The following NCOA3 variants were observed in gnomAD, a reference collection of about 807,000 sequenced individuals.
NCOA3 encodes CBP-interacting protein.
Under a neutral mutation model 158.8 loss-of-function variants are expected in NCOA3, and 51 were observed. The observed-to-expected ratio is 0.32, with a 90% CI of 0.26 to 0.41. The LOEUF is 0.41. Among genes scored for constraint, NCOA3 ranks in the 10% least tolerant of loss-of-function variants. The probability of loss-of-function intolerance (pLI) is 1.00; values close to 1 mark genes in which losing one functional copy is unlikely to be tolerated. For synonymous variants in NCOA3, 537 were observed against 592.4 expected, an observed-to-expected ratio of 0.91 and a Z score of 1.36; for missense variants, 1,510 against 1,746.6, an observed-to-expected ratio of 0.86 and a Z score of 2.41.
intron 1 of NCOA3, among the ~76,000 whole-genome samples, chr20:47,578,986 T>C (rs2085412975): frequency 6.6e-6 from 1 of 152,230 alleles, no homozygotes; most frequent in Admixed American, 6.5e-5. Flanking sequence ...TTATATATTA[T>C]ATAGTTTGGA....
intron 2 of NCOA3, among the ~76,000 whole-genome samples, chr20:47,616,635 A>T (rs1810681145): frequency 6.6e-6 from 1 of 152,222 alleles, no homozygotes. Context: ...TAGAGTTTAT[A>T]TTGAAAGATT....
chr20:47,560,180 A>G (rs1465690391), intron 1 of NCOA3, among the ~76,000 whole-genome samples: 2 of 152,244 alleles, frequency 1.3e-5, no homozygotes, highest in South Asian at 2.1e-4. Context: ...CCTGGTTTCA[A>G]GCAATTCTCC....
At chr20:47,549,097 C>CAA (rs2084886906) in intron 1 of NCOA3, among the ~76,000 whole-genome samples, 2 of 151,968 alleles carry the variant, frequency 1.3e-5, no homozygotes, top group Non-Finnish European at 2.9e-5. Context: ...AGGGTGGTCT[C>CAA]GAGCTCTTGG....
At chr20:47,524,340 C>G (rs931691556) in intron 1 of NCOA3, among the ~76,000 whole-genome samples, 1 of 151,972 alleles carries the variant, frequency 6.6e-6, no homozygotes, top group Non-Finnish European at 1.5e-5. Flanking sequence ...GGTAAGAGAC[C>G]GAGGATAGAA....
intron 1 of NCOA3, among the ~76,000 whole-genome samples, chr20:47,570,969 C>CACA (rs1555805791): frequency 1.9e-5 from 2 of 105,558 alleles, no homozygotes; most frequent in African/African-American, 7.1e-5. Flanking sequence ...CACACACACA[C>CACA]AAGTATATAC....
intron 1 of NCOA3, among the ~76,000 whole-genome samples, chr20:47,559,071 CCATAGAG>C (rs2146175861): frequency 6.6e-6 from 1 of 152,224 alleles, no homozygotes; most frequent in East Asian, 1.9e-4. Context: ...ATAATCCTTC[CCATAGAG>C]CACTATGTGT....
intron 16 of NCOA3, 111 bp from the exon 17 acceptor site, chr20:47,642,086 GGTTTATTATTTGTGTT>G (rs960900332): frequency 4.1e-6 from 3 of 738,124 alleles, no homozygotes; most frequent in Admixed American, 3.2e-5. Flanking sequence ...TTTACCACTT[GGTTTATTATTTGTGTT>G]TGTAGCATTT....
At chr20:47,511,269 TG>T (rs149901273) in intron 1 of NCOA3, among the ~76,000 whole-genome samples, 2 of 146,328 alleles carry the variant, frequency 1.4e-5, no homozygotes, top group African/African-American at 5.0e-5. Context: ...TTTTTTGAGA[TG>T]GGGGTCTCAC....
chr20:47,621,241 AT>A (rs1009933627), intron 2 of NCOA3, among the ~76,000 whole-genome samples: 5 of 150,248 alleles, frequency 3.3e-5, no homozygotes, highest in East Asian at 1.9e-4. Context: ...TTAAATTTTT[AT>A]TTTTTTTGTT....
chr20:47,652,934 C>T lies in NCOA3; in HGVS notation c.4125C>T (p.Ser1375=), dbSNP rs776146744. ...ATTACCATTTGTTTACTTACAGCTC[C>T]TTTTCCCAGCAGCAGTTTGCCCACC... ...WPSGNLARNS[S]FSQQQFAHQG... is the part of the protein sequence containing the mutation. The change falls in exon 22 of 23, where the codon TCC becomes TCT. Residue 1375 remains serine, a synonymous_variant. Coordinates refer to ENST00000371998, the MANE Select transcript of NCOA3 (RefSeq NM_181659.3). 3.7e-6 allele frequency: 6 copies of T among 1,614,058 alleles called. No homozygotes were observed. The South Asian group carries it at 6.6e-5, about 18-fold the overall frequency.
At chr20:47,630,457 C>CTTTTTTTTTTT (rs10679994) in intron 8 of NCOA3, 3 of 92,334 alleles carry the variant, frequency 3.2e-5, no homozygotes, top group South Asian at 4.1e-4. Flanking sequence ...ATGGGCAAGA[C>CTTTTTTTTTTT]TTTTTTTTTT....
chr20:47,645,393 G>T (rs1744229259), intron 17 of NCOA3, among the ~76,000 whole-genome samples: 1 of 151,972 alleles, frequency 6.6e-6, no homozygotes, highest in Non-Finnish European at 1.5e-5. Flanking sequence ...AGTCTCAATA[G>T]ATCTGTGGAA....
rs185024445 is a variant in NCOA3, at chr20:47,654,232, G to A, written c.*815G>A. On this transcript the variant is annotated 3_prime_UTR_variant, in exon 23 of 23. Transcript: ENST00000371998. ...TTGCCTACACTTACGTGTTAGACAA[G>A]AACTATGATTTTTTTTTTTAAAGTA... 1 of 152,650 alleles carries A rather than the reference G, an allele frequency of 6.6e-6. No homozygotes were observed. The highest frequency in any genetic ancestry group is 1.9e-4 in the East Asian group (1 of 5,184). 9.5% of individuals were successfully genotyped at this position (152,650 alleles called of 1,614,324 possible). A position where few individuals can be genotyped will look rare whatever the true frequency, so the allele number is the denominator to read the frequency against.
At chr20:47,503,012 G>T (rs1479533318) in intron 1 of NCOA3, among the ~76,000 whole-genome samples, 1 of 152,144 alleles carries the variant, frequency 6.6e-6, no homozygotes, top group Non-Finnish European at 1.5e-5. Context: ...CAATATTTGA[G>T]CAGGGCTTCA....
rs201832920 is a variant in NCOA3 at position 47,639,964 on chromosome 20, A to G, written c.2993A>G (p.Tyr998Cys). The G allele has an allele frequency of 5.3e-5, 86 of 1,614,010 alleles. No individual in the cohort carries two copies. Among genetic ancestry groups the G allele is most frequent in the Admixed American group, 5.0e-4 (30 of 59,996 alleles). Residue 998 changes from tyrosine to cysteine, a missense_variant, in exon 16 of 23, where the codon TAT becomes TGT. Physicochemically the swap from Tyr to Cys is radical, Grantham distance 194. Transcript: ENST00000371998. ...CCCATGGGAATGGGGGCTAATCCCT[A>G]TGGCCAAGCAGCAGCATCTAACCAA... The part of the protein sequence containing the change: ...EIPMGMGANP[Y>C]GQAAASNQLG...
At chr20:47,643,792 C>T (rs1351013188) in intron 17 of NCOA3, among the ~76,000 whole-genome samples, 1 of 151,708 alleles carries the variant, frequency 6.6e-6, no homozygotes, top group Non-Finnish European at 1.5e-5. Flanking sequence ...CTATGTATTA[C>T]ATTCTAGGTT....
At chr20:47,622,101 T>C in intron 2 of NCOA3, 128 bp from the exon 3 acceptor site, 1 of 550,062 alleles carries the variant, frequency 1.8e-6, no homozygotes, top group Non-Finnish European at 3.2e-6. Flanking sequence ...AAAAAGAATA[T>C]TGAGAATTAT....
intron 16 of NCOA3, 61 bp from the exon 17 acceptor site, chr20:47,642,152 G>A (rs2086621579): frequency 1.6e-6 from 2 of 1,249,686 alleles, no homozygotes; most frequent in African/African-American, 1.5e-5. Context: ...TGGTTGCTGT[G>A]ATCTATTACT....
intron 1 of NCOA3, among the ~76,000 whole-genome samples, chr20:47,541,961 C>T (rs1449274798): frequency 2.1e-5 from 3 of 141,562 alleles, no homozygotes; most frequent in Non-Finnish European, 3.1e-5. Context: ...GTTTTCTCTT[C>T]ATCTCTTTTT....
Sources: gnomAD v4.1 joint callset for allele counts (sites outside exome capture counted in the v4.1 genomes callset) on GRCh38, gnomAD v4.1.1 for gene constraint, MANE v1.5 for transcripts, NCBI Gene and HGNC (gene_info 2026-07-23, HGNC 2026-07-21) for gene names.